The following EIF4E variants were observed in gnomAD, a reference collection of about 807,000 sequenced individuals.
EIF4E encodes the protein eIF-4F 25 kDa subunit.
For missense variants in EIF4E, 113 were observed against 265.6 expected, an observed-to-expected ratio of 0.43 and a Z score of 3.99; for synonymous variants, 71 against 88.5, an observed-to-expected ratio of 0.80 and a Z score of 1.11.
chr4:98,910,606 T>C (rs1359455212), intron 1 of EIF4E, among the ~76,000 whole-genome samples: 1 of 152,204 alleles, frequency 6.6e-6, no homozygotes, highest in African/African-American at 2.4e-5. Flanking sequence ...GGGCTATAGC[T>C]AAATATTTAC....
chr4:98,902,913 C>T (rs1349304816), intron 1 of EIF4E, among the ~76,000 whole-genome samples: 2 of 152,084 alleles, frequency 1.3e-5, no homozygotes, highest in African/African-American at 2.4e-5. Context: ...GCCAATGATG[C>T]GCAGGTCTTA....
intron 6 of EIF4E, among the ~76,000 whole-genome samples, chr4:98,882,635 T>C (rs943557798): frequency 6.6e-6 from 1 of 152,012 alleles, no homozygotes; most frequent in Non-Finnish European, 1.5e-5. Flanking sequence ...ATTTGCATTA[T>C]AATGCAATGC....
At chr4:98,908,654 CTA>C (rs952337340) in intron 1 of EIF4E, among the ~76,000 whole-genome samples, 10 of 152,304 alleles carry the variant, frequency 6.6e-5, no homozygotes, top group African/African-American at 2.2e-4. Context: ...CTCATCCAAA[CTA>C]TGAGTTTTTA....
At chr4:98,915,384 A>ATTGT (rs1725333164) in intron 1 of EIF4E, among the ~76,000 whole-genome samples, 1 of 152,164 alleles carries the variant, frequency 6.6e-6, no homozygotes, top group South Asian at 2.1e-4. Context: ...GAGATTACAG[A>ATTGT]TTATTTTTTC....
At chr4:98,889,426 C>T (rs1231437849) in intron 3 of EIF4E, among the ~76,000 whole-genome samples, 1 of 152,104 alleles carries the variant, frequency 6.6e-6, no homozygotes, top group Non-Finnish European at 1.5e-5. Context: ...AATACTTTTT[C>T]CCTTTTGCTG....
chr4:98,927,530 C>T (rs1241889652), intron 1 of EIF4E, among the ~76,000 whole-genome samples: 1 of 151,718 alleles, frequency 6.6e-6, no homozygotes, highest in Non-Finnish European at 1.5e-5. Context: ...GTTGTGCGCA[C>T]CTGTAATCCC....
At chr4:98,928,917 G>T in intron 1 of EIF4E, 178 bp downstream of exon 1, 1 of 1,568,110 alleles carries the variant, frequency 6.4e-7, no homozygotes, top group Middle Eastern at 1.8e-4. Flanking sequence ...GCTACACGCC[G>T]CCTCGGCCAT....
intron 1 of EIF4E, among the ~76,000 whole-genome samples, chr4:98,909,243 C>T (rs887736803): frequency 2.0e-5 from 3 of 152,190 alleles, no homozygotes; most frequent in Non-Finnish European, 4.4e-5. Context: ...AAATATCTCA[C>T]ATATACAGGT....
chr4:98,906,647 G>C (rs1294807642), intron 1 of EIF4E, among the ~76,000 whole-genome samples: 15 of 152,132 alleles, frequency 9.9e-5, no homozygotes, highest in Non-Finnish European at 1.3e-4. Flanking sequence ...GAGTTCTAAG[G>C]CTGCGGTGAG....
intron 5 of EIF4E, 187 bp downstream of exon 5, chr4:98,886,892 G>A (rs879716677): frequency 3.5e-6 from 2 of 574,712 alleles, no homozygotes; most frequent in Non-Finnish European, 6.2e-6. Flanking sequence ...GACTTATAAT[G>A]TGGTAGGATG....
chr4:98,909,541 G>A, intron 1 of EIF4E: 1 of 627,686 alleles, frequency 1.6e-6, no homozygotes, highest in Non-Finnish European at 2.8e-6. Flanking sequence ...AAAGTTTCAG[G>A]CTTCTAACTC....
intron 2 of EIF4E, among the ~76,000 whole-genome samples, chr4:98,899,004 G>A (rs1392506834): frequency 6.7e-6 from 1 of 149,334 alleles, no homozygotes; most frequent in Non-Finnish European, 1.5e-5. Context: ...ATGAAACCCA[G>A]AAACCACTGA....
At chr4:98,888,831 T>C (rs2110181759) in intron 3 of EIF4E, among the ~76,000 whole-genome samples, 1 of 152,318 alleles carries the variant, frequency 6.6e-6, no homozygotes, top group East Asian at 1.9e-4. Flanking sequence ...CTGGTTCTCC[T>C]GGTGCTATGT....
intron 1 of EIF4E, among the ~76,000 whole-genome samples, chr4:98,917,083 AACACACACACACACACAC>A (rs751653561): frequency 5.8e-5 from 6 of 102,928 alleles, no homozygotes; most frequent in Admixed American, 3.4e-4. Context: ...ACCTTTTCTA[AACACACACACACACACAC>A]ACACACACAC....
chr4:98,912,764 C>T (rs896682942), intron 1 of EIF4E, among the ~76,000 whole-genome samples: 2 of 152,094 alleles, frequency 1.3e-5, no homozygotes, highest in African/African-American at 4.8e-5. Flanking sequence ...AAAGGCAAAT[C>T]TTTTAAAGAA....
At chr4:98,900,340 A>C (rs1366899954) in intron 2 of EIF4E, among the ~76,000 whole-genome samples, 1 of 152,182 alleles carries the variant, frequency 6.6e-6, no homozygotes, top group Non-Finnish European at 1.5e-5. Flanking sequence ...TTGTCTAAAA[A>C]ACTGATTTGT....
At chr4:98,918,065 C>T (rs549788434) in intron 1 of EIF4E, among the ~76,000 whole-genome samples, 3 of 150,368 alleles carry the variant, frequency 2.0e-5, no homozygotes, top group African/African-American at 7.3e-5. Context: ...GACCCTGTCT[C>T]AAAAAAATTT....
At chr4:98,890,303 T>A (rs1048164532) in intron 3 of EIF4E, among the ~76,000 whole-genome samples, 7 of 152,202 alleles carry the variant, frequency 4.6e-5, no homozygotes, top group African/African-American at 1.7e-4. Flanking sequence ...AGCATGTATA[T>A]GATCCTAAAA....
At chr4:98,903,010 C>T (rs1007034550) in intron 1 of EIF4E, among the ~76,000 whole-genome samples, 6 of 152,182 alleles carry the variant, frequency 3.9e-5, no homozygotes, top group Admixed American at 3.3e-4. Flanking sequence ...TGGACATTGG[C>T]TTGAACTTAA....
Sources: allele counts gnomAD v4.1 joint callset (sites outside exome capture counted in the v4.1 genomes callset), GRCh38; gene constraint gnomAD v4.1.1; transcripts MANE v1.5; gene names NCBI Gene and HGNC (gene_info 2026-07-23, HGNC 2026-07-21).